Variants in VGLL4 observed in about 807,000 individuals in gnomAD.
VGLL4 encodes the protein vestigial like family member 4.
In VGLL4, 7 loss-of-function variants were observed where a neutral mutation model predicts 21.0. That is an observed-to-expected ratio of 0.33 (90% CI 0.19 to 0.63). The LOEUF is 0.63. VGLL4 is among the 20% of genes least tolerant of loss of function. The pLI, the probability that VGLL4 is intolerant of heterozygous loss-of-function variation, is 0.78. For missense variants in VGLL4, 394 were observed against 425.7 expected (o/e 0.93, Z 0.66); for synonymous variants, 222 against 173.2 (o/e 1.28, Z -2.21).
chr3:11,585,605 T>C (rs1372854652), intron 2 of VGLL4, among the ~76,000 whole-genome samples: 3 of 152,192 alleles, frequency 2.0e-5, no homozygotes, highest in African/African-American at 4.8e-5. Context: ...ACCTCTGCCA[T>C]GAATAAGATA....
At chr3:11,574,477 C>G (rs2125195482) in intron 2 of VGLL4, among the ~76,000 whole-genome samples, 1 of 152,212 alleles carries the variant, frequency 6.6e-6, no homozygotes, top group East Asian at 1.9e-4. Flanking sequence ...CTGAGAGTTC[C>G]AGAGGCTGGG....
intron 1 of VGLL4, among the ~76,000 whole-genome samples, chr3:11,613,319 G>A (rs966546420): frequency 1.3e-5 from 2 of 152,138 alleles, no homozygotes; most frequent in Admixed American, 6.5e-5. Context: ...CAGAGGGTAC[G>A]ACTGCCACAG....
intron 1 of VGLL4, among the ~76,000 whole-genome samples, chr3:11,623,059 G>T (rs957808257): frequency 3.9e-5 from 6 of 152,100 alleles, no homozygotes; most frequent in Non-Finnish European, 7.4e-5. Context: ...CCACCTTTTA[G>T]TTATGGATTC....
intron 1 of VGLL4, among the ~76,000 whole-genome samples, chr3:11,640,405 G>C (rs1448159356): frequency 6.6e-6 from 1 of 152,162 alleles, no homozygotes. Flanking sequence ...GGCTTCAAGT[G>C]GGTATCATCT....
At chr3:11,709,350 T>C (rs1045179195) in intron 1 of VGLL4, among the ~76,000 whole-genome samples, 1 of 147,130 alleles carries the variant, frequency 6.8e-6, no homozygotes, top group Non-Finnish European at 1.5e-5. Context: ...GGCAGGAGAA[T>C]AGCTTGAACC....
chr3:11,650,021 C>T (rs1486848421), intron 2 of VGLL4, among the ~76,000 whole-genome samples: 2 of 152,110 alleles, frequency 1.3e-5, no homozygotes, highest in Non-Finnish European at 2.9e-5. Flanking sequence ...CTCACTGCAG[C>T]CTTGACTTCC....
chr3:11,682,676 C>G (rs928736251), intron 2 of VGLL4, among the ~76,000 whole-genome samples: 1 of 148,768 alleles, frequency 6.7e-6, no homozygotes, highest in Non-Finnish European at 1.5e-5. Context: ...TGTAGATTTC[C>G]ACATAATTGA....
chr3:11,670,191 T>C (rs550410488), intron 2 of VGLL4, among the ~76,000 whole-genome samples: 65 of 150,086 alleles, frequency 4.3e-4, no homozygotes, highest in African/African-American at 1.5e-3. Context: ...TCCCTTTTTC[T>C]ACGCCCCTCC....
chr3:11,596,149 C>A (rs1481300304), intron 2 of VGLL4, among the ~76,000 whole-genome samples: 4 of 152,066 alleles, frequency 2.6e-5, no homozygotes, highest in Non-Finnish European at 5.9e-5. Context: ...ATTAAAAGCA[C>A]ACTTTTTAGT....
intron 1 of VGLL4, among the ~76,000 whole-genome samples, chr3:11,641,135 A>T (rs1393755248): frequency 6.6e-6 from 1 of 151,914 alleles, no homozygotes; most frequent in Non-Finnish European, 1.5e-5. Flanking sequence ...AAAAAAAAAA[A>T]AAAGACCAGA....
At chr3:11,627,423 A>AG (rs1249296786) in intron 1 of VGLL4, 1 of 151,720 alleles carries the variant, frequency 6.6e-6, no homozygotes, top group Admixed American at 6.6e-5. Flanking sequence ...ACTAAAAAAA[A>AG]AGAAAAATTA....
chr3:11,607,876 G>A (rs2074980519), intron 1 of VGLL4, among the ~76,000 whole-genome samples: 1 of 152,160 alleles, frequency 6.6e-6, no homozygotes, highest in African/African-American at 2.4e-5. Flanking sequence ...TTAGGCTCTT[G>A]GATTCATCAG....
At chr3:11,582,054 C>T (rs897519957) in intron 2 of VGLL4, among the ~76,000 whole-genome samples, 5 of 152,218 alleles carry the variant, frequency 3.3e-5, no homozygotes, top group Non-Finnish European at 7.3e-5. Context: ...CCAGTCCCCG[C>T]TTAGGAGAAA....
chr3:11,673,228 C>CTA (rs1402730446), intron 2 of VGLL4, among the ~76,000 whole-genome samples: 6 of 151,976 alleles, frequency 3.9e-5, no homozygotes, highest in African/African-American at 1.5e-4. Context: ...GACACAGAGA[C>CTA]TATACAAGAA....
chr3:11,618,779 T>C (rs2075211680), intron 1 of VGLL4, among the ~76,000 whole-genome samples: 1 of 152,254 alleles, frequency 6.6e-6, no homozygotes, highest in Non-Finnish European at 1.5e-5. Context: ...ATCCCCATGA[T>C]GCCAAGAAGT....
intron 2 of VGLL4, among the ~76,000 whole-genome samples, chr3:11,655,389 AG>A: frequency 6.6e-6 from 1 of 152,266 alleles, no homozygotes; most frequent in South Asian, 2.1e-4. Flanking sequence ...GGGCAGGACT[AG>A]GGGGCGACGT....
At chr3:11,671,412 G>A in intron 2 of VGLL4, 1 of 805,110 alleles carries the variant, frequency 1.2e-6, no homozygotes, top group Non-Finnish European at 2.2e-6. Context: ...CCACATGTAA[G>A]TAACAAAGAG....
intron 1 of VGLL4, among the ~76,000 whole-genome samples, chr3:11,602,696 C>T (rs569220576): frequency 1.1e-4 from 16 of 152,212 alleles, no homozygotes; most frequent in African/African-American, 3.4e-4. Flanking sequence ...AAACATGTTT[C>T]GAAGTTAGGC....
chr3:11,718,606 AT>A (rs147330107), intron 1 of VGLL4, among the ~76,000 whole-genome samples: 10 of 150,388 alleles, frequency 6.6e-5, no homozygotes, highest in Admixed American at 3.3e-4. Flanking sequence ...AGGCAAATTA[AT>A]TTTTTTTTTG....
Sources: gnomAD v4.1 joint callset for allele counts (sites outside exome capture counted in the v4.1 genomes callset) on GRCh38, gnomAD v4.1.1 for gene constraint, MANE v1.5 for transcripts, NCBI Gene and HGNC (gene_info 2026-07-23, HGNC 2026-07-21) for gene names.